Variants in RALGPS1 observed in about 807,000 individuals in gnomAD.
RALGPS1 encodes the protein Ral GEF with PH domain and SH3 binding motif 1.
Under a neutral mutation model 78.8 loss-of-function variants are expected in RALGPS1, and 19 were observed. The ratio of observed to expected loss-of-function variants is 0.24; its 90% confidence interval spans 0.17 to 0.35. The LOEUF is 0.35. RALGPS1 is among the 10% of genes least tolerant of loss of function. The pLI is 1.00. For missense variants in RALGPS1, 454 were observed against 688.3 expected (o/e 0.66, Z 3.81); for synonymous variants, 228 against 256.3 (o/e 0.89, Z 1.06).
chr9:127,184,389 C>T (rs1241006887), intron 11 of RALGPS1: 7 of 290,476 alleles, frequency 2.4e-5, no homozygotes, highest in South Asian at 1.3e-4. Context: ...TGGCTGACAG[C>T]GAGAACTCGT....
At chr9:126,998,520 G>A (rs2042984595) in intron 4 of RALGPS1, among the ~76,000 whole-genome samples, 1 of 152,052 alleles carries the variant, frequency 6.6e-6, no homozygotes. Flanking sequence ...GGAAACAACA[G>A]GTGCTGGAGA....
intron 10 of RALGPS1, among the ~76,000 whole-genome samples, chr9:127,174,305 GAAAGAAAGA>G (rs1271545116): frequency 1.4e-5 from 2 of 143,298 alleles, no homozygotes; most frequent in African/African-American, 5.9e-5. Flanking sequence ...GAAAGAGAAA[GAAAGAAAGA>G]AAAAAAAAGA....
At chr9:126,999,373 G>T (rs1399694741) in intron 4 of RALGPS1, among the ~76,000 whole-genome samples, 2 of 152,092 alleles carry the variant, frequency 1.3e-5, no homozygotes, top group African/African-American at 4.8e-5. Flanking sequence ...TTAATTCGTG[G>T]TGTTGTGCAT....
chr9:127,128,586 A>G (rs1384814247), intron 8 of RALGPS1, among the ~76,000 whole-genome samples: 1 of 152,188 alleles, frequency 6.6e-6, no homozygotes, highest in East Asian at 1.9e-4. Flanking sequence ...GTGTCCAGGC[A>G]TCAAGAAGCC....
At chr9:127,103,099 C>T (rs912731913) in intron 8 of RALGPS1, among the ~76,000 whole-genome samples, 1 of 152,248 alleles carries the variant, frequency 6.6e-6, no homozygotes, top group African/African-American at 2.4e-5. Flanking sequence ...CATGGGTTGA[C>T]ACCTTTTCAC....
chr9:126,915,392 G>A (rs1242482463), intron 1 of RALGPS1: 1 of 140,408 alleles, frequency 7.1e-6, no homozygotes, highest in East Asian at 2.3e-4. Flanking sequence ...CCCAAGGAAA[G>A]CACAGGTGCG....
chr9:127,192,440 G>A lies in RALGPS1; in HGVS notation c.911-2651G>A, dbSNP rs115767712. On this transcript the variant is annotated intron_variant, in intron 11 of 18. Transcript: ENST00000259351. ...CTGCACTTGATGCATCTTAGGAAAG[G>A]GCAGATGGAGGGATGGTGCCAAGAG... Among the ~76,000 whole-genome samples, 372 of 152,322 alleles carry A rather than the reference G, an allele frequency of 2.4e-3. 3 individuals carry two copies. Among genetic ancestry groups the A allele is most frequent in the African/African-American group, 8.5e-3 (355 of 41,574 alleles).
intron 5 of RALGPS1, among the ~76,000 whole-genome samples, chr9:127,047,200 A>T (rs908977013): frequency 6.6e-6 from 1 of 152,210 alleles, no homozygotes; most frequent in South Asian, 2.1e-4. Flanking sequence ...ATGTATAAAG[A>T]TGTTCATCTC....
chr9:127,051,443 GGTGGGTTAGATAATTTCCAGAGCT>G (rs1293123841), intron 6 of RALGPS1, among the ~76,000 whole-genome samples: 23 of 152,162 alleles, frequency 1.5e-4, no homozygotes, highest in African/African-American at 4.1e-4. Flanking sequence ...AAATGAAAGG[GGTGGGTTAGATAATTTCCAGAGCT>G]GTGGGTTAGA....
At chr9:127,168,918 GC>G in intron 10 of RALGPS1, 146 bp downstream of exon 10, 1 of 656,066 alleles carries the variant, frequency 1.5e-6, no homozygotes. Flanking sequence ...TAGCGCCCAG[GC>G]CCCAGCACAC....
intron 10 of RALGPS1, 58 bp from the exon 11 acceptor site, chr9:127,174,657 C>A: frequency 6.7e-7 from 1 of 1,499,268 alleles, no homozygotes; most frequent in Non-Finnish European, 9.3e-7. Context: ...CAGCCCCAAA[C>A]AGGTTCCTGT....
At chr9:126,973,137 G>A (rs2040281782) in intron 3 of RALGPS1, among the ~76,000 whole-genome samples, 1 of 152,142 alleles carries the variant, frequency 6.6e-6, no homozygotes, top group Non-Finnish European at 1.5e-5. Context: ...GGAGGTTGTG[G>A]TGGGAGGATT....
At chr9:127,025,949 C>T (rs2045928815) in intron 4 of RALGPS1, among the ~76,000 whole-genome samples, 1 of 152,172 alleles carries the variant, frequency 6.6e-6, no homozygotes, top group South Asian at 2.1e-4. Flanking sequence ...AGCAGTCCTC[C>T]TGCCTCTGCC....
intron 4 of RALGPS1, among the ~76,000 whole-genome samples, chr9:127,016,424 G>C (rs1297469811): frequency 6.6e-6 from 1 of 152,182 alleles, no homozygotes; most frequent in Non-Finnish European, 1.5e-5. Flanking sequence ...AGAGTAATCT[G>C]TAACTCCTGC....
chr9:127,092,945 G>C (rs950930419), intron 8 of RALGPS1, among the ~76,000 whole-genome samples: 2 of 152,146 alleles, frequency 1.3e-5, no homozygotes, highest in African/African-American at 4.8e-5. Flanking sequence ...AGAGGCCTCA[G>C]CTGCAGTCAC....
intron 14 of RALGPS1, among the ~76,000 whole-genome samples, chr9:127,204,524 T>C (rs1254071025): frequency 6.6e-6 from 1 of 151,774 alleles, no homozygotes; most frequent in Non-Finnish European, 1.5e-5. Flanking sequence ...TTTCCTCAAA[T>C]GCAGTTCAGT....
chr9:127,213,537 C>T (rs1480835517), intron 17 of RALGPS1, among the ~76,000 whole-genome samples: 1 of 152,240 alleles, frequency 6.6e-6, no homozygotes, highest in Non-Finnish European at 1.5e-5. Context: ...GTTCCCACTT[C>T]ATGATCATGC....
intron 1 of RALGPS1, among the ~76,000 whole-genome samples, chr9:126,922,508 T>C (rs2034862768): frequency 6.6e-6 from 1 of 152,232 alleles, no homozygotes; most frequent in African/African-American, 2.4e-5. Context: ...AGTTAATAGA[T>C]TCAAGACAAT....
Position 127,212,319 on chromosome 9 carries a change from G to T in RALGPS1, c.1353+83G>T. 1 of 1,064,816 alleles carries T rather than the reference G, an allele frequency of 9.4e-7. No homozygotes were observed. The allele number at this position is 1,064,816 out of a possible 1,614,324, so 66.0% of individuals were successfully genotyped here. On this transcript the variant is annotated intron_variant, in intron 15 of 18. Transcript: ENST00000259351. This position sits in a 1 kb window ranked among gnomAD's most constrained non-coding sequence, Gnocchi z 6.0. Reference sequence around the variant, plus strand: ...CCCACTCCTAGAGGTCTCAGCAAAAGTCACATGCATGGCAGAGGCTCTGCT... The same window carrying T: ...CCCACTCCTAGAGGTCTCAGCAAAATTCACATGCATGGCAGAGGCTCTGCT...
Sources: gnomAD v4.1 joint callset for allele counts (sites outside exome capture counted in the v4.1 genomes callset) on GRCh38, gnomAD v4.1.1 for gene constraint, Gnocchi (gnomAD v3.1) non-coding constraint, MANE v1.5 for transcripts, NCBI Gene and HGNC (gene_info 2026-07-23, HGNC 2026-07-21) for gene names.